The following PWWP3A variants were observed in gnomAD, a reference collection of about 807,000 sequenced individuals.
PWWP3A encodes PWWP domain containing 3A, DNA repair factor.
Under a neutral mutation model 79.0 loss-of-function variants are expected in PWWP3A, and 53 were observed. The observed-to-expected ratio is 0.67, with a 90% CI of 0.54 to 0.84. The LOEUF is 0.84. Among genes scored for constraint, PWWP3A ranks in the 40% least tolerant of loss-of-function variants. The pLI is 0.00. For missense variants in PWWP3A, 973 were observed against 948.0 expected (o/e 1.03, Z -0.35); for synonymous variants, 443 against 394.4 (o/e 1.12, Z -1.46).
intron 5 of PWWP3A, 110 bp from the exon 6 acceptor site, chr19:1,362,140 T>A: frequency 2.4e-6 from 2 of 839,586 alleles, no homozygotes; most frequent in South Asian, 1.8e-5. Context: ...GTGTATAGCA[T>A]GGAACCTTTT....
intron 5 of PWWP3A, chr19:1,361,928 G>A (rs2082025226): frequency 3.9e-6 from 1 of 258,252 alleles, no homozygotes; most frequent in Non-Finnish European, 7.6e-6. Context: ...TGAAGGGACA[G>A]CCAGGCCGGG....
rs10413884 is a variant in PWWP3A at position 1,369,703 on chromosome 19, A to G, written c.1549+57A>G. On this transcript the variant is annotated intron_variant, in intron 11 of 13. Coordinates refer to ENST00000591337, the MANE Select transcript of PWWP3A (RefSeq NM_001369789.1). The surrounding 1 kb of genome is among the most constrained non-coding windows in gnomAD (Gnocchi z 4.0). ...GTTTGCCTTTTAGCCCTTTAGAAAA[A>G]CAATCTTCTATGTCTGAAGCTGTGG... The G allele has an allele frequency of 6.1e-3, 9,598 of 1,574,526 alleles. 483 individuals are homozygous for G. The African/African-American group carries it at 0.11, about 18-fold the overall frequency.
In PWWP3A at chr19:1,369,684, C is replaced by G. The variant is rs781067491; in HGVS notation, c.1549+38C>G. Reference sequence around the variant, plus strand: ...GCACATCTTGGAAAATGTGGTTTGCCTTTTAGCCCTTTAGAAAAACAATCT... The same window carrying G: ...GCACATCTTGGAAAATGTGGTTTGCGTTTTAGCCCTTTAGAAAAACAATCT... On this transcript the variant is annotated intron_variant, in intron 11 of 13. Coordinates refer to ENST00000591337, the MANE Select transcript of PWWP3A (RefSeq NM_001369789.1). This position sits in a 1 kb window ranked among gnomAD's most constrained non-coding sequence, Gnocchi z 4.0. The G allele has an allele frequency of 4.4e-6, 7 of 1,606,696 alleles. No individual in the cohort carries two copies. In the East Asian group the frequency reaches 8.9e-5, roughly 20 times the overall value.
intron 4 of PWWP3A, chr19:1,359,167 C>T (rs1231435701): frequency 6.3e-6 from 1 of 158,502 alleles, no homozygotes; most frequent in African/African-American, 2.4e-5. Flanking sequence ...TGCCCCCTAG[C>T]CACAGTTGTG....
Position 1,370,721 on chromosome 19 carries a change from G to C in PWWP3A, c.1629G>C (p.Glu543Asp). Residue 543 changes from glutamate to aspartate, a missense_variant, in exon 12 of 14, where the codon GAG becomes GAC. By Grantham distance (45) the Glu-to-Asp change is conservative (BLOSUM62 2). Coordinates refer to ENST00000591337, the MANE Select transcript of PWWP3A (RefSeq NM_001369789.1). Reference protein sequence around the residue: ...LPQLSKGSPEEPVVGCPLGQR... With the variant: ...LPQLSKGSPEDPVVGCPLGQR... Reference sequence around the variant, plus strand: ...AACTGAGCAAGGGGAGCCCCGAGGAGCCCGTGGTGGGGTGCCCCCTGGGGC... The same window carrying C: ...AACTGAGCAAGGGGAGCCCCGAGGACCCCGTGGTGGGGTGCCCCCTGGGGC... 3.4e-6 allele frequency: 5 copies of C among 1,467,638 alleles called. No homozygotes were observed. The South Asian group carries it at 7.1e-5, about 21-fold the overall frequency. 90.9% of individuals were successfully genotyped at this position (1,467,638 alleles called of 1,614,324 possible). A position where few individuals can be genotyped will look rare whatever the true frequency, so the allele number is the denominator to read the frequency against.
intron 13 of PWWP3A, among the ~76,000 whole-genome samples, chr19:1,375,477 T>G: frequency 7.5e-6 from 1 of 133,156 alleles, no homozygotes; most frequent in African/African-American, 2.8e-5. Flanking sequence ...ATAAAATTTA[T>G]ATATTATATA....
At chr19:1,372,892 A>G in intron 12 of PWWP3A, 180 bp from the exon 13 acceptor site, 1 of 588,660 alleles carries the variant, frequency 1.7e-6, no homozygotes, top group Non-Finnish European at 3.0e-6. Context: ...TGATTTAATT[A>G]AGAAACATCA....
intron 1 of PWWP3A, among the ~76,000 whole-genome samples, chr19:1,355,400 C>T (rs1231535651): frequency 6.6e-6 from 1 of 151,346 alleles, no homozygotes; most frequent in Non-Finnish European, 1.5e-5. Context: ...CTGCCTGGAC[C>T]CCTATCTCCT....
chr19:1,370,596 G>A, intron 11 of PWWP3A, 46 bp from the exon 12 acceptor site: 1 of 1,430,262 alleles, frequency 7.0e-7, no homozygotes, highest in Non-Finnish European at 9.2e-7. Flanking sequence ...GCCACCCGAG[G>A]AAGGCAGCCC....
At position 1,368,614 on chromosome 19, in the gene PWWP3A, C is replaced by CT. The variant is rs1275526565; in HGVS notation, c.1423-648dup. The stretch of plus-strand genomic sequence containing the variant: ...CTGGGTCATTGTGTGATGGTCGTGG[C>CT]TTTATGGCATCTTTGGGACGGCTGT... On this transcript the variant is annotated intron_variant, in intron 9 of 13. Transcript: ENST00000591337. The surrounding 1 kb of genome is among the most constrained non-coding windows in gnomAD (Gnocchi z 4.7). 6.6e-6 allele frequency among the ~76,000 whole-genome samples: 1 copy of CT among 152,218 alleles called. No homozygotes were observed. Among genetic ancestry groups the CT allele is most frequent in the Non-Finnish European group, 1.5e-5 (1 of 68,046 alleles).
At chr19:1,359,416 G>C (rs1207853530) in intron 4 of PWWP3A, 1 of 150,946 alleles carries the variant, frequency 6.6e-6, no homozygotes, top group Non-Finnish European at 1.5e-5. Flanking sequence ...CGCAGATTGT[G>C]TTGGGGGGCT....
chr19:1,366,238 CA>C lies in PWWP3A; in HGVS notation c.1285-60del, dbSNP rs1436146108. 6.4e-6 allele frequency: 10 copies of C among 1,552,724 alleles called. No individual in the cohort carries two copies. In the East Asian group the frequency reaches 6.8e-5, roughly 11 times the overall value. On this transcript the variant is annotated intron_variant, in intron 7 of 13. Transcript: ENST00000591337. ...CTGTTAGATGTATCATGTGATGTCA[CA>C]AAAAAATATTTAAAATCCACGATCT...
chr19:1,375,071 A>C (rs996340102), intron 13 of PWWP3A, among the ~76,000 whole-genome samples: 3 of 151,562 alleles, frequency 2.0e-5, no homozygotes, highest in Non-Finnish European at 4.4e-5. Context: ...AAAAAAAAAA[A>C]AACCAAGCAT....
intron 11 of PWWP3A, among the ~76,000 whole-genome samples, chr19:1,370,317 T>G (rs2082223731): frequency 6.6e-6 from 1 of 152,174 alleles, no homozygotes; most frequent in South Asian, 2.1e-4. Flanking sequence ...TCGACAGTAG[T>G]GGAGTTTTCC....
In PWWP3A at chr19:1,356,860, T is replaced by C. The variant is rs569827176; in HGVS notation, c.58-149T>C. 2.8e-5 allele frequency: 18 copies of C among 647,208 alleles called. No homozygotes were observed. The Admixed American group carries it at 3.2e-4, about 11-fold the overall frequency. The allele number at this position is 647,208 out of a possible 1,614,324, so 40.1% of individuals were successfully genotyped here. On this transcript the variant is annotated intron_variant, in intron 2 of 13. Coordinates refer to ENST00000591337, the MANE Select transcript of PWWP3A (RefSeq NM_001369789.1). The stretch of plus-strand genomic sequence containing the variant: ...GGCCTCTCATGCCTCAGTTTCCCCA[T>C]CTGTGAAACAATGGGGATTGGACCA...
At chr19:1,373,310 G>A (rs575888753) in intron 13 of PWWP3A, 150 bp downstream of exon 13, 14 of 668,976 alleles carry the variant, frequency 2.1e-5, no homozygotes, top group African/African-American at 3.6e-5. Flanking sequence ...GATCACATAC[G>A]CTGAACTCAC....
intron 6 of PWWP3A, among the ~76,000 whole-genome samples, chr19:1,362,576 G>A (rs1016107457): frequency 2.0e-5 from 3 of 152,142 alleles, no homozygotes; most frequent in African/African-American, 4.8e-5. Context: ...GGGAAGAGAC[G>A]GCCCAGCCCT....
chr19:1,372,092 C>A (rs1361376911), intron 12 of PWWP3A: 3 of 152,266 alleles, frequency 2.0e-5, no homozygotes, highest in African/African-American at 7.2e-5. Context: ...GCGTGAGCCA[C>A]CACTCCCGGC....
rs187526313 is a variant in PWWP3A, at chr19:1,368,660, C to T, written c.1423-605C>T. 6.6e-5 allele frequency among the ~76,000 whole-genome samples: 10 copies of T among 152,310 alleles called. No homozygotes were observed. The highest frequency in any genetic ancestry group is 2.2e-4 in the African/African-American group (9 of 41,570). On this transcript the variant is annotated intron_variant, in intron 9 of 13. Coordinates refer to ENST00000591337, the MANE Select transcript of PWWP3A (RefSeq NM_001369789.1). This position sits in a 1 kb window ranked among gnomAD's most constrained non-coding sequence, Gnocchi z 4.7. ...GCTGTGTCCTTTTCTGGGGACCCAC[C>T]CTGCTGCCAGCCCAGGTGCTGTTAG... is the stretch of plus-strand genomic sequence containing the variant.
Sources: allele counts gnomAD v4.1 joint callset (sites outside exome capture counted in the v4.1 genomes callset), GRCh38; gene constraint gnomAD v4.1.1; non-coding constraint Gnocchi (gnomAD v3.1); transcripts MANE v1.5; gene names NCBI Gene and HGNC (gene_info 2026-07-23, HGNC 2026-07-21).